Variants in DICER1 observed in about 807,000 individuals in gnomAD.
The protein encoded by DICER1 is dicer 1, ribonuclease III.
Under a neutral mutation model 194.1 loss-of-function variants are expected in DICER1, and 43 were observed. That is an observed-to-expected ratio of 0.22 (90% CI 0.17 to 0.29). The LOEUF (loss-of-function observed/expected upper bound fraction) is 0.29, where lower values mean the gene tolerates loss of function less well. DICER1 is among the 10% of genes least tolerant of loss of function. The pLI, the probability that DICER1 is intolerant of heterozygous loss-of-function variation, is 1.00. For synonymous variants in DICER1, 832 were observed against 820.5 expected (o/e 1.01, Z -0.24); for missense variants, 1,608 against 2,317.0 (o/e 0.69, Z 6.28).
intron 21 of DICER1, among the ~76,000 whole-genome samples, chr14:95,102,786 C>T (rs1306748135): frequency 1.3e-5 from 2 of 152,214 alleles, no homozygotes; most frequent in East Asian, 1.9e-4. Flanking sequence ...TCTGAGCTAT[C>T]GAGCGTTAAT....
At chr14:95,136,613 T>A (rs188319494) in intron 1 of DICER1, 1 of 152,246 alleles carries the variant, frequency 6.6e-6, no homozygotes, top group Non-Finnish European at 1.5e-5. Flanking sequence ...CTGATGGGCA[T>A]ACAACTTACC....
At position 95,086,383 on chromosome 14, in the gene DICER1, C is replaced by T. The variant is rs1276863530; in HGVS notation, c.*4115G>A. ...CATCATGTTCCTTAAAAAACAGCTG[C>T]AGCATGTGATGGTAAATATTTTATT... On this transcript the variant is annotated 3_prime_UTR_variant, in exon 27 of 27. Coordinates refer to ENST00000343455, the MANE Select transcript of DICER1 (RefSeq NM_177438.3). The T allele has an allele frequency of 4.3e-6, 1 of 233,008 alleles. No individual in the cohort carries two copies. The highest frequency in any genetic ancestry group is 8.5e-6 in the Non-Finnish European group (1 of 117,880). The allele number at this position is 233,008 out of a possible 1,614,324, so 14.4% of individuals were successfully genotyped here.
intron 6 of DICER1, among the ~76,000 whole-genome samples, chr14:95,127,860 T>C (rs911352604): frequency 6.6e-6 from 1 of 152,222 alleles, no homozygotes; most frequent in Admixed American, 6.5e-5. Flanking sequence ...TTTGCCCCCT[T>C]AGGCATTTGT....
intron 23 of DICER1, 162 bp downstream of exon 23, chr14:95,095,663 C>A (rs1890237792): frequency 2.4e-6 from 2 of 831,072 alleles, no homozygotes; most frequent in South Asian, 1.5e-5. Context: ...CCCCAAATAA[C>A]AAGGAAAAGA....
intron 7 of DICER1, among the ~76,000 whole-genome samples, chr14:95,125,960 G>A (rs1384315484): frequency 6.6e-6 from 1 of 152,154 alleles, no homozygotes; most frequent in Non-Finnish European, 1.5e-5. Context: ...CATCAGGAGA[G>A]AAACTAAGAC....
intron 22 of DICER1, 121 bp from the exon 23 acceptor site, chr14:95,096,834 C>A (rs1890400971): frequency 8.4e-7 from 1 of 1,184,106 alleles, no homozygotes; most frequent in African/African-American, 1.5e-5. Context: ...TACTAAAAGG[C>A]AACTTTAAAA....
intron 14 of DICER1, 130 bp from the exon 15 acceptor site, chr14:95,108,633 G>A: frequency 2.3e-6 from 2 of 856,446 alleles, no homozygotes; most frequent in Admixed American, 3.9e-5. Flanking sequence ...AATACCCGAG[G>A]CATGACACTT....
At chr14:95,130,025 C>A in intron 5 of DICER1, 33 bp downstream of exon 5, 1 of 1,604,954 alleles carries the variant, frequency 6.2e-7, no homozygotes, top group South Asian at 1.1e-5. Context: ...AATAGTTTAC[C>A]AAGAATTACT....
chr14:95,103,169 G>T (rs1327613360), intron 21 of DICER1, among the ~76,000 whole-genome samples, 177 bp downstream of exon 21: 2 of 152,180 alleles, frequency 1.3e-5, no homozygotes, highest in African/African-American at 4.8e-5. Flanking sequence ...TCAACTGCCA[G>T]GTAGTTCTGC....
Position 95,132,579 on chromosome 14 carries a change from C to T in DICER1, c.243G>A (p.Leu81=), listed in dbSNP as rs761966110. 2.5e-6 allele frequency: 4 copies of T among 1,613,996 alleles called. No individual in the cohort carries two copies. Among genetic ancestry groups the T allele is most frequent in the Admixed American group, 1.7e-5 (1 of 60,028 alleles). The part of the protein sequence containing the change: ...TFIAVLLTKE[L]SYQIRGDFSR... ...TGAAGTCTCCCCTGATCTGATAGGACAGCTCTTTAGTGAGTAGTACTGCAA... is the reference window on the plus strand; with the variant it reads ...TGAAGTCTCCCCTGATCTGATAGGATAGCTCTTTAGTGAGTAGTACTGCAA... Residue 81 remains leucine (L), a synonymous_variant, in exon 3 of 27, where the codon CTG becomes CTA. Transcript: ENST00000343455.
rs186747472 is a variant in DICER1, at chr14:95,123,929, T to A, written c.1376+267A>T. 1.9e-3 allele frequency among the ~76,000 whole-genome samples: 291 copies of A among 152,310 alleles called. 1 individual carries two copies. Among genetic ancestry groups the A allele is most frequent in the African/African-American group, 6.0e-3 (248 of 41,568 alleles). On this transcript the variant is annotated intron_variant, in intron 8 of 26. Transcript: ENST00000343455. ...TTACTTAAATGTATACTGATTTTTT[T>A]AAAAACCATACTTGTCCTCCATTTT... is the stretch of plus-strand genomic sequence containing the variant.
At chr14:95,118,983 C>T (rs894264476) in intron 8 of DICER1, among the ~76,000 whole-genome samples, 1 of 152,044 alleles carries the variant, frequency 6.6e-6, no homozygotes, top group Non-Finnish European at 1.5e-5. Flanking sequence ...TCAGAGCTCC[C>T]TTATTATGTT....
chr14:95,124,502 G>T lies in DICER1; in HGVS notation c.1070C>A (p.Ala357Glu). The T allele has an allele frequency of 6.2e-7, 1 of 1,614,070 alleles. No individual in the cohort carries two copies. Among genetic ancestry groups the T allele is most frequent in the Non-Finnish European group, 8.5e-7 (1 of 1,180,020 alleles). Reference sequence around the variant, plus strand: ...AGGTGAGAAGTGCTCTTCACATAGTGCATGTATTTTCCTTAGGAAAGTGTC... The same window carrying T: ...AGGTGAGAAGTGCTCTTCACATAGTTCATGTATTTTCCTTAGGAAAGTGTC... ...FTDTFLRKIHALCEEHFSPAS... is the reference protein window; with the variant it reads ...FTDTFLRKIHELCEEHFSPAS... The change falls in exon 8 of 27, where the codon GCA (alanine) becomes GAA (glutamate). Residue 357 changes from alanine to glutamate, a missense_variant. Physicochemically the swap from Ala to Glu is moderately radical, Grantham distance 107. Around this residue, in one of 10 missense-constraint regions of DICER1, gnomAD observed 657 missense variants for 910.1 expected, o/e 0.72. Coordinates refer to ENST00000343455, the MANE Select transcript of DICER1 (RefSeq NM_177438.3). The surrounding 1 kb of genome is among the most constrained non-coding windows in gnomAD (Gnocchi z 4.5).
intron 1 of DICER1, chr14:95,134,512 G>A (rs2140303522): frequency 6.6e-6 from 1 of 152,290 alleles, no homozygotes; most frequent in East Asian, 1.9e-4. Context: ...AACTGGAAGA[G>A]ATAATTCAAC....
At chr14:95,102,498 G>A (rs1226451418) in intron 21 of DICER1, among the ~76,000 whole-genome samples, 2 of 152,078 alleles carry the variant, frequency 1.3e-5, no homozygotes, top group African/African-American at 4.8e-5. Context: ...TCTGACTGCT[G>A]CCACGGCTGC....
Position 95,089,585 on chromosome 14 carries a change from G to T in DICER1, c.*913C>A. The T allele has an allele frequency of 4.3e-6, 1 of 231,826 alleles. No individual in the cohort carries two copies. The allele number at this position is 231,826 out of a possible 1,614,324, so 14.4% of individuals were successfully genotyped here. A position where few individuals can be genotyped will look rare whatever the true frequency, so the allele number is the denominator to read the frequency against. On this transcript the variant is annotated 3_prime_UTR_variant, in exon 27 of 27. Coordinates refer to ENST00000343455, the MANE Select transcript of DICER1 (RefSeq NM_177438.3). ...CTGGCAGGAGGACTTTAGTAAAATG[G>T]GGTGTTTAGCCAAAGATCATTTTTA...
intron 14 of DICER1, among the ~76,000 whole-genome samples, chr14:95,110,577 G>T (rs1235255890): frequency 1.3e-5 from 2 of 152,066 alleles, no homozygotes; most frequent in Admixed American, 6.5e-5. Flanking sequence ...CTGGAGGATC[G>T]GTACTATCTG....
chr14:95,148,940 T>A (rs887221562), intron 1 of DICER1, among the ~76,000 whole-genome samples: 4 of 152,310 alleles, frequency 2.6e-5, no homozygotes, highest in South Asian at 2.1e-4. Context: ...TCTTTTTTTT[T>A]ATTTTTTATT....
At position 95,154,697 on chromosome 14, in the gene DICER1, G is replaced by A. The variant is rs566765230; in HGVS notation, c.-46+2533C>T. ...GAATGGTGGTTCTCTGGCATTGAAG[G>A]TAGGATGGAATCAGGAGTTAGTGTT... On this transcript the variant is annotated intron_variant, in intron 1 of 26. Transcript: ENST00000343455. 5.9e-5 allele frequency among the ~76,000 whole-genome samples: 9 copies of A among 152,284 alleles called. No homozygotes were observed. The South Asian group carries it at 1.9e-3, about 32-fold the overall frequency.
Sources: gnomAD v4.1 joint callset for allele counts (sites outside exome capture counted in the v4.1 genomes callset) on GRCh38, gnomAD v4.1.1 for gene constraint, gnomAD v4.1.1 regional missense constraint, Gnocchi (gnomAD v3.1) non-coding constraint, MANE v1.5 for transcripts, NCBI Gene and HGNC (gene_info 2026-07-23, HGNC 2026-07-21) for gene names.